NCF2: variants seen among roughly 807,000 people sequenced by gnomAD.
NCF2 encodes neutrophil cytosol factor 2.
In NCF2, 45 loss-of-function variants were observed where a neutral mutation model predicts 70.9. The observed-to-expected ratio is 0.63, with a 90% confidence interval of 0.50 to 0.81. The LOEUF (loss-of-function observed/expected upper bound fraction) is 0.81, where lower values mean the gene tolerates loss of function less well. Ranked by LOEUF, NCF2 falls within the 40% of genes least tolerant of loss-of-function variation. NCF2 has a pLI of 0.00. For synonymous variants in NCF2, 203 were observed against 233.6 expected (o/e 0.87, Z 1.19); for missense variants, 522 against 631.6 (o/e 0.83, Z 1.86).
chr1:183,575,198 A>C (rs1672744102), intron 3 of NCF2, among the ~76,000 whole-genome samples: 1 of 152,238 alleles, frequency 6.6e-6, no homozygotes, highest in Non-Finnish European at 1.5e-5. Context: ...GGCCAGGCGC[A>C]GTGGCTCATG....
chr1:183,555,766 G>A lies in NCF2; in HGVS notation c.*352C>T, dbSNP rs988795146. 1.1e-5 allele frequency: 3 copies of A among 278,568 alleles called. No individual in the cohort carries two copies. The highest frequency in any genetic ancestry group is 2.1e-5 in the Non-Finnish European group (3 of 145,204). The allele number at this position is 278,568 out of a possible 1,614,324, so 17.3% of individuals were successfully genotyped here. A position where few individuals can be genotyped will look rare whatever the true frequency, so the allele number is the denominator to read the frequency against. On this transcript the variant is annotated 3_prime_UTR_variant, in exon 15 of 15. Transcript: ENST00000367535. ...TATGACACAGAAAAGTGCACCAAAT[G>A]TACAGCTTGATGAATGTTTACAGTG... is the stretch of plus-strand genomic sequence containing the variant.
chr1:183,579,540 A>G (rs920958079), intron 2 of NCF2, among the ~76,000 whole-genome samples: 5 of 151,662 alleles, frequency 3.3e-5, no homozygotes, highest in Non-Finnish European at 5.9e-5. Flanking sequence ...TCCTGGCTAA[A>G]ATGGTGAAAC....
the NCF2 span, among the ~76,000 whole-genome samples, chr1:183,599,452 T>TTCTTTCTTTCTTTCTTTCTTTC: frequency 4.7e-4 from 63 of 133,542 alleles, no homozygotes; most frequent in African/African-American, 1.8e-3. Flanking sequence ...CTTTCTTTCT[T>TTCTTTCTTTCTTTCTTTCTTTC]TCTTTCTTTC....
chr1:183,570,730 C>T, intron 6 of NCF2, 50 bp downstream of exon 6: 7 of 1,582,590 alleles, frequency 4.4e-6, no homozygotes, highest in Non-Finnish European at 6.1e-6. Flanking sequence ...GAATGCTTCA[C>T]AGAAAGCTCT....
chr1:183,599,487 T>C, the NCF2 span, among the ~76,000 whole-genome samples: 7 of 150,340 alleles, frequency 4.7e-5, no homozygotes, highest in Admixed American at 6.6e-5. Flanking sequence ...TCTTTCTCTT[T>C]TCTTTCTTTC....
chr1:183,594,144 A>T (rs1673732438), upstream of NCF2, among the ~76,000 whole-genome samples: 1 of 152,222 alleles, frequency 6.6e-6, no homozygotes, highest in Admixed American at 6.5e-5. Flanking sequence ...GGCTGGGCAC[A>T]ATGGCTCACA....
At chr1:183,564,516 A>C (rs1451901904) in intron 10 of NCF2, among the ~76,000 whole-genome samples, 1 of 152,268 alleles carries the variant, frequency 6.6e-6, no homozygotes, top group Admixed American at 6.5e-5. Context: ...TAAGAGTAGC[A>C]TGCATAAAGA....
chr1:183,577,706 A>T lies in NCF2; in HGVS notation c.259T>A (p.Tyr87Asn), dbSNP rs940390623. 7 of 1,603,482 alleles carry T rather than the reference A, an allele frequency of 4.4e-6. No individual in the cohort carries two copies. The Admixed American group carries it at 1.0e-4, about 23-fold the overall frequency. The change falls in exon 3 of 15, where the codon TAT becomes AAT. Residue 87 changes from tyrosine to asparagine, a missense_variant and splice_region_variant. By Grantham distance (143) the Tyr-to-Asn change is moderately radical (BLOSUM62 -2). Coordinates refer to ENST00000367535, the MANE Select transcript of NCF2 (RefSeq NM_000433.4). ...RGMLYYQTEKYDLAIKDLKEA... is the reference protein window; with the variant it reads ...RGMLYYQTEKNDLAIKDLKEA... The stretch of plus-strand genomic sequence containing the variant: ...TTAAGGTCTTTGATAGCCAAATCAT[A>T]TCTGCAGGACAGAGGGAGAAAATAC...
At chr1:183,571,913 TA>T (rs1672582276) in intron 5 of NCF2, among the ~76,000 whole-genome samples, 1 of 152,244 alleles carries the variant, frequency 6.6e-6, no homozygotes, top group African/African-American at 2.4e-5. Flanking sequence ...ATCCATGTTG[TA>T]TCATGAATCA....
chr1:183,584,027 G>A (rs1201094638), intron 2 of NCF2, among the ~76,000 whole-genome samples: 1 of 152,164 alleles, frequency 6.6e-6, no homozygotes, highest in East Asian at 1.9e-4. Context: ...GAGAGAAATA[G>A]GTGGATTTAA....
Position 183,555,886 on chromosome 1 carries a change from T to TC in NCF2, c.*231dup. ...CTTTCCAGACACTTCCATCCACTTTTCCTCTCCCCTAACTCCTCCATTCAC... is the reference window on the plus strand; with the variant it reads ...CTTTCCAGACACTTCCATCCACTTTTCCCTCTCCCCTAACTCCTCCATTCAC... On this transcript the variant is annotated 3_prime_UTR_variant, in exon 15 of 15. Transcript: ENST00000367535. 1.7e-6 allele frequency: 1 copy of TC among 584,592 alleles called. No individual in the cohort carries two copies. The highest frequency in any genetic ancestry group is 1.9e-5 in the African/African-American group (1 of 53,598). 36.2% of individuals were successfully genotyped at this position (584,592 alleles called of 1,614,324 possible).
rs765461476 is a variant in NCF2, at chr1:183,577,681, T to G, written c.284A>C (p.Lys95Thr). The G allele has an allele frequency of 1.2e-6, 2 of 1,613,798 alleles. No homozygotes were observed. Among genetic ancestry groups the G allele is most frequent in the East Asian group, 4.5e-5 (2 of 44,878 alleles). The change falls in exon 3 of 15, where the codon AAA (lysine) becomes ACA (threonine). Residue 95 changes from lysine (K) to threonine (T), a missense_variant. Physicochemically the swap from Lys to Thr is moderately conservative, Grantham distance 78 (BLOSUM62 -1). Coordinates refer to ENST00000367535, the MANE Select transcript of NCF2 (RefSeq NM_000433.4). ...CCCTCGAAGCTGAATCAAGGCTTCT[T>G]TAAGGTCTTTGATAGCCAAATCATA... Reference protein sequence around the residue: ...EKYDLAIKDLKEALIQLRGNQ... With the variant: ...EKYDLAIKDLTEALIQLRGNQ...
upstream of NCF2, among the ~76,000 whole-genome samples, chr1:183,593,580 C>A (rs939627237): frequency 2.6e-5 from 4 of 152,200 alleles, no homozygotes; most frequent in Non-Finnish European, 5.9e-5. Context: ...ACTCTTCCCC[C>A]AAGCCTGCCT....
rs552349555 is a variant in NCF2, at chr1:183,579,492, C to T, written c.258-1785G>A. Among the ~76,000 whole-genome samples, 122 of 151,922 alleles carry T rather than the reference C, an allele frequency of 8.0e-4. 2 individuals are homozygous for T. Among genetic ancestry groups the T allele is most frequent in the African/African-American group, 2.7e-3 (113 of 41,416 alleles). On this transcript the variant is annotated intron_variant, in intron 2 of 14. Coordinates refer to ENST00000367535, the MANE Select transcript of NCF2 (RefSeq NM_000433.4). ...CTGAAATCCCAGCACTTTGGGAGAC[C>T]GAGGCGGGTGGATCACGAGGTCAGG...
rs1358566013 is a variant in NCF2, at chr1:183,590,010, G to A, written c.174+146C>T. 19 of 1,282,328 alleles carry A rather than the reference G, an allele frequency of 1.5e-5. No homozygotes were observed. In the African/African-American group the frequency reaches 2.5e-4, roughly 17 times the overall value. 79.4% of individuals were successfully genotyped at this position (1,282,328 alleles called of 1,614,324 possible). A position where few individuals can be genotyped will look rare whatever the true frequency, so the allele number is the denominator to read the frequency against. ...GCTGCCTGGGGCCCCTCCCAGACCA[G>A]TTAAATCAGGCTGTCTAGGGGTGGA... On this transcript the variant is annotated intron_variant, in intron 1 of 14. Coordinates refer to ENST00000367535, the MANE Select transcript of NCF2 (RefSeq NM_000433.4).
intron 1 of NCF2, among the ~76,000 whole-genome samples, chr1:183,589,163 T>C (rs1673520559): frequency 6.6e-6 from 1 of 152,220 alleles, no homozygotes; most frequent in Non-Finnish European, 1.5e-5. Context: ...TGGCTGAGGC[T>C]TGTTTACCTA....
intron 14 of NCF2, among the ~76,000 whole-genome samples, chr1:183,559,661 C>A (rs554068546): frequency 1.3e-5 from 2 of 152,232 alleles, no homozygotes; most frequent in African/African-American, 4.8e-5. Flanking sequence ...GAGTTTGAGA[C>A]CAGCCTGGTC....
At chr1:183,566,589 T>G (rs1672309362) in intron 9 of NCF2, among the ~76,000 whole-genome samples, 1 of 152,198 alleles carries the variant, frequency 6.6e-6, no homozygotes, top group Non-Finnish European at 1.5e-5. Context: ...CATTGACTAC[T>G]CTTCCACGTG....
chr1:183,584,607 C>T (rs1421076070), intron 2 of NCF2, among the ~76,000 whole-genome samples: 2 of 152,164 alleles, frequency 1.3e-5, no homozygotes, highest in Non-Finnish European at 2.9e-5. Flanking sequence ...ACTCTTTTGC[C>T]AGTTGTATCT....
Sources: allele counts gnomAD v4.1 joint callset (sites outside exome capture counted in the v4.1 genomes callset), GRCh38; gene constraint gnomAD v4.1.1; transcripts MANE v1.5; gene names NCBI Gene and HGNC (gene_info 2026-07-23, HGNC 2026-07-21).